CNBD1: variants seen among roughly 807,000 people sequenced by gnomAD.
CNBD1 encodes the protein cyclic nucleotide-binding domain-containing protein 1.
A neutral mutation model predicts 54.4 loss-of-function variants in CNBD1; 71 were observed. That is an observed-to-expected ratio of 1.30 (90% CI 1.08 to 1.59). The LOEUF (loss-of-function observed/expected upper bound fraction) is 1.59. Among genes scored for constraint, CNBD1 ranks in the 40% most tolerant of loss-of-function variants. CNBD1 has a pLI of 0.00. For missense variants in CNBD1, 659 were observed against 518.0 expected, an observed-to-expected ratio of 1.27 and a Z score of -2.64; for synonymous variants, 182 against 170.7, an observed-to-expected ratio of 1.07 and a Z score of -0.51.
At chr8:86,883,946 T>G (rs1293566862) in intron 1 of CNBD1, among the ~76,000 whole-genome samples, 1 of 151,822 alleles carries the variant, frequency 6.6e-6, no homozygotes, top group Non-Finnish European at 1.5e-5. Context: ...GGTCAGGAGA[T>G]CGAGACCATC....
intron 4 of CNBD1, among the ~76,000 whole-genome samples, chr8:87,104,379 G>A (rs1586259106): frequency 6.6e-6 from 1 of 152,158 alleles, no homozygotes; most frequent in African/African-American, 2.4e-5. Context: ...AGAAGTAAAA[G>A]CAACAGGAAA....
chr8:87,035,473 A>G (rs1053825316), intron 4 of CNBD1, among the ~76,000 whole-genome samples: 1 of 152,248 alleles, frequency 6.6e-6, no homozygotes, highest in Admixed American at 6.5e-5. Context: ...ACTTTATTAC[A>G]TATACTTCAA....
chr8:87,154,869 C>T (rs79104107), intron 4 of CNBD1, among the ~76,000 whole-genome samples: 2,877 of 152,144 alleles, frequency 0.019, 39 homozygotes, highest in Non-Finnish European at 0.03. Context: ...GAAAGGTACT[C>T]CATTGATGTG....
intron 4 of CNBD1, among the ~76,000 whole-genome samples, chr8:87,185,353 C>A (rs1442411460): frequency 1.3e-5 from 2 of 152,076 alleles, no homozygotes; most frequent in Non-Finnish European, 2.9e-5. Context: ...GTATTTACTT[C>A]TTCGCGTAGT....
intron 2 of CNBD1, among the ~76,000 whole-genome samples, chr8:87,422,620 T>A (rs1333262767): frequency 6.6e-6 from 1 of 152,166 alleles, no homozygotes; most frequent in East Asian, 1.9e-4. Flanking sequence ...TCTGTTTTGT[T>A]CCATTGATCT....
rs184454101 is a variant in CNBD1, at chr8:87,352,424, G to A, written c.1152+630G>A. Among the ~76,000 whole-genome samples the A allele has an allele frequency of 9.4e-4, 130 of 138,454 alleles. 3 individuals carry two copies. In the East Asian group the frequency reaches 0.026, roughly 28 times the overall value. The allele number at this position is 138,454 out of a possible 152,430, so 90.8% of individuals were successfully genotyped here. A position where few individuals can be genotyped will look rare whatever the true frequency, so the allele number is the denominator to read the frequency against. On this transcript the variant is annotated intron_variant, in intron 9 of 10. Transcript: ENST00000518476. The stretch of plus-strand genomic sequence containing the variant: ...GAACCTGGAAGGCGGAGGTTGCAGT[G>A]AGCCAAGATTGTGCCACTGCACTCC...
At chr8:87,303,385 G>A (rs1809058798) in intron 8 of CNBD1, among the ~76,000 whole-genome samples, 1 of 151,902 alleles carries the variant, frequency 6.6e-6, no homozygotes, top group Non-Finnish European at 1.5e-5. Flanking sequence ...AAGCAATGGG[G>A]AAAGGATTCC....
intron 4 of CNBD1, among the ~76,000 whole-genome samples, chr8:87,127,971 G>A (rs1262579356): frequency 2.0e-5 from 3 of 152,048 alleles, no homozygotes; most frequent in African/African-American, 4.8e-5. Context: ...CCGGCTCCAC[G>A]AGGAGACAAA....
intron 8 of CNBD1, among the ~76,000 whole-genome samples, chr8:87,335,751 C>T (rs748556525): frequency 1.4e-4 from 21 of 152,180 alleles, no homozygotes; most frequent in Middle Eastern, 3.4e-3. Context: ...GTCGTCATGA[C>T]ACTGGCTGGT....
intron 4 of CNBD1, among the ~76,000 whole-genome samples, chr8:87,023,514 G>A (rs201363014): frequency 1.3e-5 from 2 of 151,844 alleles, no homozygotes; most frequent in East Asian, 3.9e-4. Flanking sequence ...CATCCAAATA[G>A]TATTTTACAT....
intron 4 of CNBD1, among the ~76,000 whole-genome samples, chr8:87,106,477 T>C (rs7002263): frequency 0.59 from 89,069 of 152,102 alleles, 27,592 homozygotes; most frequent in African/African-American, 0.79. Context: ...TCCTCAAGTG[T>C]GGGAATTACA....
downstream of CNBD1, among the ~76,000 whole-genome samples, chr8:87,385,404 G>C (rs533791634): frequency 6.6e-6 from 1 of 152,010 alleles, no homozygotes; most frequent in South Asian, 2.1e-4. Context: ...CTGGAAAATC[G>C]GGTCACTGCC....
intron 4 of CNBD1, among the ~76,000 whole-genome samples, chr8:86,954,982 C>T (rs925987995): frequency 7.8e-6 from 1 of 128,562 alleles, no homozygotes; most frequent in South Asian, 3.1e-4. Context: ...ATCCCTCCCC[C>T]CTCCCCCCAC....
At chr8:87,416,790 C>G (rs181783864) in intron 2 of CNBD1, among the ~76,000 whole-genome samples, 52 of 152,122 alleles carry the variant, frequency 3.4e-4, no homozygotes, top group African/African-American at 1.2e-3. Context: ...CCAATGCATT[C>G]TATGAGTATT....
chr8:87,336,455 G>T (rs569531500), intron 8 of CNBD1, among the ~76,000 whole-genome samples: 1 of 151,488 alleles, frequency 6.6e-6, no homozygotes, highest in African/African-American at 2.4e-5. Flanking sequence ...ATGGTCTTCC[G>T]TCTGATATTC....
chr8:86,950,071 T>G (rs1398252626), intron 4 of CNBD1, among the ~76,000 whole-genome samples: 49 of 92,518 alleles, frequency 5.3e-4, no homozygotes, highest in Non-Finnish European at 9.5e-4. Context: ...TTTTTTTTTT[T>G]TTTTTTTTGA....
chr8:87,309,308 A>T (rs73282308), intron 8 of CNBD1, among the ~76,000 whole-genome samples: 7,744 of 152,170 alleles, frequency 0.051, 645 homozygotes, highest in African/African-American at 0.18. Context: ...TCTTCTTATT[A>T]CCAAATCATC....
chr8:87,097,808 G>A (rs1811349448), intron 4 of CNBD1, among the ~76,000 whole-genome samples: 1 of 152,170 alleles, frequency 6.6e-6, no homozygotes, highest in African/African-American at 2.4e-5. Flanking sequence ...CAGGAACTAA[G>A]GAGATTTGCA....
intron 4 of CNBD1, among the ~76,000 whole-genome samples, chr8:87,161,151 C>A (rs1295570996): frequency 6.6e-6 from 1 of 152,086 alleles, no homozygotes; most frequent in Non-Finnish European, 1.5e-5. Flanking sequence ...GTTGCTCTGT[C>A]ATTTCCTGGG....
Sources: allele counts gnomAD v4.1 joint callset (sites outside exome capture counted in the v4.1 genomes callset), GRCh38; gene constraint gnomAD v4.1.1; transcripts MANE v1.5; gene names NCBI Gene and HGNC (gene_info 2026-07-23, HGNC 2026-07-21).